The following ZC3H12B variants were observed in gnomAD, a reference collection of about 807,000 sequenced individuals.
The protein encoded by ZC3H12B is probable ribonuclease ZC3H12B.
In ZC3H12B, 7 loss-of-function variants were observed where a neutral mutation model predicts 43.9. That is an observed-to-expected ratio of 0.16 (90% CI 0.09 to 0.30). ZC3H12B has a LOEUF of 0.30. Ranked by LOEUF, ZC3H12B falls within the 10% of genes least tolerant of loss-of-function variation. The pLI is 1.00. For synonymous variants in ZC3H12B, 222 were observed against 241.7 expected, an observed-to-expected ratio of 0.92 and a Z score of 0.76; for missense variants, 475 against 670.2, an observed-to-expected ratio of 0.71 and a Z score of 3.22.
At chrX:65,281,661 C>CA in the ZC3H12B span, among the ~76,000 whole-genome samples, 42 of 112,279 alleles carry the variant, frequency 3.7e-4, no homozygotes, top group Non-Finnish European at 2.1e-4. Flanking sequence ...TTACGTTATA[C>CA]AAAAATCAAC....
chrX:65,252,176 T>C, the ZC3H12B span, among the ~76,000 whole-genome samples: 3 of 112,076 alleles, frequency 2.7e-5, no homozygotes, highest in Non-Finnish European at 5.6e-5. Flanking sequence ...AGGCCTTTTC[T>C]GCATCTATTG....
chrX:65,207,053 C>T, the ZC3H12B span, among the ~76,000 whole-genome samples: 3 of 109,389 alleles, frequency 2.7e-5, no homozygotes, highest in Non-Finnish European at 5.7e-5. Flanking sequence ...TTTTACACTG[C>T]TGGTGGGAAT....
chrX:65,380,988 C>T (rs1442522642), intron 2 of ZC3H12B, among the ~76,000 whole-genome samples: 1 of 111,253 alleles, frequency 9.0e-6, no homozygotes, highest in Admixed American at 9.6e-5. Context: ...GACTTAGACT[C>T]CCAAACATTA....
the ZC3H12B span, among the ~76,000 whole-genome samples, chrX:65,114,343 G>C: frequency 9.2e-6 from 1 of 109,250 alleles, no homozygotes; most frequent in African/African-American, 3.3e-5. Flanking sequence ...TTTAATACTT[G>C]GTAGACTTGG....
the ZC3H12B span, among the ~76,000 whole-genome samples, chrX:65,310,551 C>G: frequency 8.9e-6 from 1 of 111,838 alleles, no homozygotes; most frequent in Admixed American, 9.5e-5. Context: ...GAATCAGTAT[C>G]GTGAAAATGG....
intron 1 of ZC3H12B, among the ~76,000 whole-genome samples, 164 bp downstream of exon 3, chrX:65,366,930 G>A (rs954278347): frequency 8.9e-6 from 1 of 112,199 alleles, no homozygotes; most frequent in African/African-American, 3.2e-5. Flanking sequence ...TGAAAAACTT[G>A]GAAGATCAGG....
chrX:65,152,371 A>G, the ZC3H12B span, among the ~76,000 whole-genome samples: 8 of 112,075 alleles, frequency 7.1e-5, no homozygotes, highest in South Asian at 3.7e-4. Flanking sequence ...GCTGATAAGC[A>G]ACTTCAGCAA....
chrX:65,445,854 A>T (rs1174034060), intron 3 of ZC3H12B, among the ~76,000 whole-genome samples: 1 of 112,220 alleles, frequency 8.9e-6, no homozygotes, highest in Admixed American at 9.4e-5. Context: ...TGCTAAGCTC[A>T]TACCCAAGTT....
At chrX:65,141,950 G>A in the ZC3H12B span, among the ~76,000 whole-genome samples, 197 of 112,124 alleles carry the variant, frequency 1.8e-3, no homozygotes, top group Non-Finnish European at 3.2e-3. Flanking sequence ...TTTTGCAATT[G>A]TGAATTGTGC....
At chrX:65,152,489 T>C in the ZC3H12B span, among the ~76,000 whole-genome samples, 3 of 111,141 alleles carry the variant, frequency 2.7e-5, no homozygotes, top group Non-Finnish European at 3.8e-5. Context: ...CTTTATTCTC[T>C]TTGAAGAGAA....
the ZC3H12B span, among the ~76,000 whole-genome samples, chrX:65,284,296 T>C: frequency 9.2e-6 from 1 of 108,895 alleles, no homozygotes; most frequent in African/African-American, 3.4e-5. Context: ...ATGAAACCTT[T>C]CCAAGAAATG....
the ZC3H12B span, among the ~76,000 whole-genome samples, chrX:65,301,932 A>G: frequency 3.6e-5 from 4 of 111,625 alleles, no homozygotes; most frequent in African/African-American, 1.3e-4. Flanking sequence ...ATTCATATAC[A>G]TAGCTTTAAA....
At chrX:65,492,067 C>T (rs181847970) in intron 1 of ZC3H12B, among the ~76,000 whole-genome samples, 18 of 110,954 alleles carry the variant, frequency 1.6e-4, no homozygotes, top group African/African-American at 5.2e-4. Flanking sequence ...AATCTGTCAC[C>T]AAACCAGACC....
At chrX:65,425,283 A>G (rs1266008576) in intron 3 of ZC3H12B, among the ~76,000 whole-genome samples, 5 of 110,649 alleles carry the variant, frequency 4.5e-5, no homozygotes, top group African/African-American at 1.6e-4. Context: ...TTGTTGATGT[A>G]TATGAATGCT....
the ZC3H12B span, among the ~76,000 whole-genome samples, chrX:65,249,796 ATT>A: frequency 0.018 from 882 of 48,937 alleles, 16 homozygotes; most frequent in African/African-American, 0.066. Context: ...ATTCCTAAGT[ATT>A]TTTTTTTTTT....
At chrX:65,338,386 A>T in the ZC3H12B span, among the ~76,000 whole-genome samples, 2 of 111,744 alleles carry the variant, frequency 1.8e-5, no homozygotes, top group Admixed American at 9.5e-5. Flanking sequence ...CCACCAACCA[A>T]ATGAAGTCCT....
At chrX:65,258,747 A>T in the ZC3H12B span, among the ~76,000 whole-genome samples, 1 of 111,866 alleles carries the variant, frequency 8.9e-6, no homozygotes, top group Non-Finnish European at 1.9e-5. Flanking sequence ...ATGTACAAAA[A>T]TCAGTAGCAT....
intron 3 of ZC3H12B, among the ~76,000 whole-genome samples, chrX:65,406,268 A>T (rs1359039597): frequency 9.2e-6 from 1 of 108,705 alleles, no homozygotes; most frequent in Non-Finnish European, 1.9e-5. Context: ...AACCGAATTC[A>T]ATGTTACATT....
the ZC3H12B span, among the ~76,000 whole-genome samples, chrX:65,199,911 A>G: frequency 3.6e-5 from 4 of 110,269 alleles, no homozygotes; most frequent in Admixed American, 9.7e-5. Context: ...CAATGAACAT[A>G]TGTGTGTGTA....
Sources: allele counts gnomAD v4.1 joint callset (sites outside exome capture counted in the v4.1 genomes callset), GRCh38; gene constraint gnomAD v4.1.1; transcripts MANE v1.5; gene names NCBI Gene and HGNC (gene_info 2026-07-23, HGNC 2026-07-21).